The following PDCD6 variants were observed in gnomAD, a reference collection of about 807,000 sequenced individuals.
PDCD6 encodes programmed cell death 6, also known as programmed cell death protein 6.
In PDCD6, 12 loss-of-function variants were observed where a neutral mutation model predicts 28.3. That is an observed-to-expected ratio of 0.42 (90% confidence interval 0.27 to 0.69). The LOEUF is 0.69. Among genes scored for constraint, PDCD6 ranks in the 30% least tolerant of loss-of-function variants. The pLI, the probability that PDCD6 is intolerant of heterozygous loss-of-function variation, is 0.22. For synonymous variants in PDCD6, 92 were observed against 108.0 expected, an observed-to-expected ratio of 0.85 and a Z score of 0.92; for missense variants, 226 against 269.9, an observed-to-expected ratio of 0.84 and a Z score of 1.14.
intron 2 of PDCD6, chr5:290,391 C>A (rs188189363): frequency 3.9e-5 from 32 of 823,258 alleles, no homozygotes; most frequent in South Asian, 9.4e-5. Context: ...TGCCTCCCCC[C>A]ACCCCCCGAC....
chr5:305,437 A>G lies in PDCD6; in HGVS notation c.209-1165A>G, dbSNP rs1057005059. ...TGACTGTGCCCTGCTGGTCGTGCAT[A>G]TGTTGCTACGTCACACTGATGGAGG... On this transcript the variant is annotated intron_variant, in intron 3 of 5. Transcript: ENST00000264933. This position sits in a 1 kb window ranked among gnomAD's most constrained non-coding sequence, Gnocchi z 4.0. The G allele has an allele frequency of 6.6e-6, 1 of 152,158 alleles. No individual in the cohort carries two copies. The highest frequency in any genetic ancestry group is 1.5e-5 in the Non-Finnish European group (1 of 68,056). 9.4% of individuals were successfully genotyped at this position (152,158 alleles called of 1,614,324 possible).
chr5:274,269 CT>C (rs1403561587), intron 2 of PDCD6, among the ~76,000 whole-genome samples: 1 of 152,192 alleles, frequency 6.6e-6, no homozygotes. Flanking sequence ...TTTTAACAGC[CT>C]GCTTTTTATG....
intron 2 of PDCD6, among the ~76,000 whole-genome samples, chr5:282,263 C>T (rs1318670184): frequency 5.4e-5 from 4 of 74,002 alleles, no homozygotes; most frequent in Admixed American, 1.9e-4. Context: ...GGTGGTGCAG[C>T]GGAAAAATCG....
chr5:278,447 T>C (rs1220439747), intron 2 of PDCD6, among the ~76,000 whole-genome samples: 2 of 151,512 alleles, frequency 1.3e-5, no homozygotes, highest in African/African-American at 4.9e-5. Context: ...CGGTGGCTCA[T>C]GCTTGTAATC....
chr5:313,101 G>T (rs1055724283), intron 5 of PDCD6, among the ~76,000 whole-genome samples: 1 of 152,228 alleles, frequency 6.6e-6, no homozygotes, highest in Non-Finnish European at 1.5e-5. Context: ...TCCAGACCAC[G>T]TGGGGAGGGC....
At chr5:286,859 G>A (rs1739003427) in intron 2 of PDCD6, among the ~76,000 whole-genome samples, 1 of 152,214 alleles carries the variant, frequency 6.6e-6, no homozygotes, top group African/African-American at 2.4e-5. Flanking sequence ...TATGTGAGGA[G>A]CCAATGCTGC....
intron 2 of PDCD6, among the ~76,000 whole-genome samples, chr5:291,028 T>C (rs1290373936): frequency 4.6e-5 from 7 of 151,104 alleles, no homozygotes; most frequent in Admixed American, 6.6e-5. Context: ...CTCCACCAAG[T>C]TTAGGGAGTA....
At chr5:311,923 A>T (rs936794789) in intron 5 of PDCD6, 1 of 160,548 alleles carries the variant, frequency 6.2e-6, no homozygotes, top group Non-Finnish European at 1.3e-5. Flanking sequence ...GACCTCAAGT[A>T]ATCCGCCCAC....
Position 286,355 on chromosome 5 carries a change from C to T in PDCD6, c.163+13583C>T, listed in dbSNP as rs138680253. On this transcript the variant is annotated intron_variant, in intron 2 of 5. Coordinates refer to ENST00000264933, the MANE Select transcript of PDCD6 (RefSeq NM_013232.4). The stretch of plus-strand genomic sequence containing the variant: ...GGGGAGCTGATGTTGTTTTGAGAGC[C>T]GTGCAGCTGGAGATCCGGGGGTGAG... 2.4e-4 allele frequency among the ~76,000 whole-genome samples: 35 copies of T among 148,498 alleles called. No homozygotes were observed. The East Asian group carries it at 3.5e-3, about 15-fold the overall frequency.
At chr5:311,628 GT>G in intron 5 of PDCD6, 1 of 521,578 alleles carries the variant, frequency 1.9e-6, no homozygotes, top group Non-Finnish European at 3.4e-6. Context: ...GCAAGACGTG[GT>G]TTTTCAGTAT....
rs530811284 is a variant in PDCD6, at chr5:274,909, T to TGAGA, written c.163+2140_163+2143dup. Among the ~76,000 whole-genome samples, 578 of 152,244 alleles carry TGAGA rather than the reference T, an allele frequency of 3.8e-3. 6 individuals carry two copies. Among genetic ancestry groups the TGAGA allele is most frequent in the Non-Finnish European group, 2.8e-3 (188 of 67,990 alleles). On this transcript the variant is annotated intron_variant, in intron 2 of 5. Coordinates refer to ENST00000264933, the MANE Select transcript of PDCD6 (RefSeq NM_013232.4). ...ACTAAATATCTACCAGGAGACTGCT[T>TGAGA]GAGAGAATTGCCTGATGGGTGCTGA...
intron 2 of PDCD6, among the ~76,000 whole-genome samples, chr5:280,310 G>A (rs1738484169): frequency 6.8e-6 from 1 of 147,140 alleles, no homozygotes; most frequent in African/African-American, 2.7e-5. Context: ...GAAGGGAACA[G>A]CACAGGGGAG....
At chr5:279,451 A>G (rs1198824586) in intron 2 of PDCD6, among the ~76,000 whole-genome samples, 3 of 152,060 alleles carry the variant, frequency 2.0e-5, no homozygotes, top group African/African-American at 7.2e-5. Context: ...TGGAGCAGGC[A>G]TGGTTCCCAC....
At position 272,708 on chromosome 5, in the gene PDCD6, T is replaced by C. The variant is rs780885738; in HGVS notation, c.102-3T>C. On this transcript the variant is annotated splice_region_variant and splice_polypyrimidine_tract_variant and intron_variant, in intron 1 of 5. Transcript: ENST00000264933. Reference sequence around the variant, plus strand: ...AGCTTATTTGGTCTTCTTGATGTTATAGGGTCGATAAAGACAGGAGTGGAG... The same window carrying C: ...AGCTTATTTGGTCTTCTTGATGTTACAGGGTCGATAAAGACAGGAGTGGAG... 9.5e-6 allele frequency: 15 copies of C among 1,573,220 alleles called. 2 individuals are homozygous for C. The highest frequency in any genetic ancestry group is 3.1e-5 in the African/African-American group (2 of 65,246).
chr5:277,283 G>A (rs1272879588), intron 2 of PDCD6, among the ~76,000 whole-genome samples: 8 of 146,954 alleles, frequency 5.4e-5, no homozygotes, highest in African/African-American at 7.6e-5. Context: ...CCACCACCAC[G>A]CCCAGCTAAT....
intron 2 of PDCD6, chr5:289,368 G>A (rs1579505197): frequency 1.7e-6 from 1 of 581,428 alleles, no homozygotes; most frequent in Non-Finnish European, 3.1e-6. Flanking sequence ...AAGAATTTGA[G>A]GATCTTCTTA....
rs1740448222 is a variant in PDCD6 at position 305,897 on chromosome 5, A to G, written c.209-705A>G. ...GTAACATATTTCTGATCAAACCAGG[A>G]GTAGTCTTATTGCAGTCCTGTATTA... On this transcript the variant is annotated intron_variant, in intron 3 of 5. Transcript: ENST00000264933. This position sits in a 1 kb window ranked among gnomAD's most constrained non-coding sequence, Gnocchi z 4.0. The G allele has an allele frequency of 6.6e-6, 1 of 152,328 alleles. No homozygotes were observed. Among genetic ancestry groups the G allele is most frequent in the Non-Finnish European group, 1.5e-5 (1 of 68,126 alleles). The allele number at this position is 152,328 out of a possible 1,614,324, so 9.4% of individuals were successfully genotyped here.
intron 2 of PDCD6, among the ~76,000 whole-genome samples, chr5:302,107 T>TGTGCGCGC (rs113802406): frequency 5.4e-5 from 6 of 111,592 alleles, no homozygotes; most frequent in African/African-American, 2.4e-4. Flanking sequence ...TGTGTGTGTG[T>TGTGCGCGC]GCCTTGGGTT....
rs1044096810 is a variant in PDCD6 at position 306,690 on chromosome 5, C to G, written c.297C>G (p.Phe99Leu). The change falls in exon 4 of 6, where the codon TTC becomes TTG. Residue 99 changes from phenylalanine (F) to leucine (L), a missense_variant. Coordinates refer to ENST00000264933, the MANE Select transcript of PDCD6 (RefSeq NM_013232.4). ...WKYITDWQNV[F>L]RTYDRDNSGM... ...ACATCACGGACTGGCAGAACGTCTTCCGCACGTACGACCGGGACAACTCCG... is the reference window on the plus strand; with the variant it reads ...ACATCACGGACTGGCAGAACGTCTTGCGCACGTACGACCGGGACAACTCCG... 7.4e-6 allele frequency: 12 copies of G among 1,613,960 alleles called. No homozygotes were observed. The highest frequency in any genetic ancestry group is 1.0e-5 in the Non-Finnish European group (12 of 1,180,024).
Sources: allele counts gnomAD v4.1 joint callset (sites outside exome capture counted in the v4.1 genomes callset), GRCh38; gene constraint gnomAD v4.1.1; non-coding constraint Gnocchi (gnomAD v3.1); transcripts MANE v1.5; gene names NCBI Gene and HGNC (gene_info 2026-07-23, HGNC 2026-07-21).